Variants in ANKHD1 observed in about 807,000 individuals in gnomAD.
ANKHD1 encodes the protein ankyrin repeat and KH domain-containing protein 1.
ANKHD1 carries 31 observed loss-of-function variants against 230.5 expected under a neutral mutation model. The observed-to-expected ratio is 0.13, with a 90% CI of 0.10 to 0.18. ANKHD1 has a LOEUF of 0.18. ANKHD1 is among the 10% of genes least tolerant of loss of function. The probability of loss-of-function intolerance (pLI) is 1.00; values close to 1 mark genes in which losing one functional copy is unlikely to be tolerated. For synonymous variants in ANKHD1, 1,074 were observed against 1,117.6 expected (o/e 0.96, Z 0.78); for missense variants, 2,256 against 3,071.3 (o/e 0.73, Z 6.27).
At chr5:140,490,025 G>A (rs577219289) in intron 14 of ANKHD1, among the ~76,000 whole-genome samples, 1 of 152,102 alleles carries the variant, frequency 6.6e-6, no homozygotes, top group Non-Finnish European at 1.5e-5. Context: ...CTTAAATAAA[G>A]ACTTAACTTT....
intron 11 of ANKHD1, chr5:140,484,793 T>C (rs1401466835): frequency 6.2e-6 from 1 of 160,012 alleles, no homozygotes; most frequent in Non-Finnish European, 1.4e-5. Flanking sequence ...CGCAAAAGAG[T>C]ACATTGTATG....
At chr5:140,514,562 T>G (rs1752909299) in intron 24 of ANKHD1, among the ~76,000 whole-genome samples, 1 of 152,178 alleles carries the variant, frequency 6.6e-6, no homozygotes, top group Non-Finnish European at 1.5e-5. Context: ...AATATATGAT[T>G]CAAAGGAAAT....
chr5:140,402,054 G>A lies in ANKHD1; in HGVS notation c.87G>A (p.Ser29=). 6.7e-7 allele frequency: 1 copy of A among 1,490,930 alleles called. No homozygotes were observed. 92.4% of individuals were successfully genotyped at this position (1,490,930 alleles called of 1,614,324 possible). Residue 29 remains serine (S), a synonymous_variant, in exon 1 of 34, where the codon TCG becomes TCA. Transcript: ENST00000360839. The stretch of plus-strand genomic sequence containing the variant: ...CGCGATCCGCCCCAGCTGGGGCCTC[G>A]GAGCCGCCTCCGCCGGGAGGGGTCG... ...VAPRSAPAGA[S]EPPPPGGVGL... is the part of the protein sequence containing the mutation.
At chr5:140,508,673 C>T (rs1029903571) in intron 20 of ANKHD1, among the ~76,000 whole-genome samples, 12 of 151,908 alleles carry the variant, frequency 7.9e-5, no homozygotes, top group African/African-American at 2.9e-4. Context: ...GAAGAATCAC[C>T]GGAACTTGGG....
chr5:140,457,276 C>T (rs1561751659), intron 7 of ANKHD1, among the ~76,000 whole-genome samples: 1 of 152,196 alleles, frequency 6.6e-6, no homozygotes. Flanking sequence ...CTAGTTCAAC[C>T]ATTGTGGTAG....
chr5:140,437,095 T>G (rs1401947797), intron 2 of ANKHD1, among the ~76,000 whole-genome samples: 1 of 152,212 alleles, frequency 6.6e-6, no homozygotes. Context: ...TGAACATACA[T>G]GATTGTTATA....
At chr5:140,439,072 C>T (rs1773658689) in intron 3 of ANKHD1, among the ~76,000 whole-genome samples, 1 of 151,988 alleles carries the variant, frequency 6.6e-6, no homozygotes, top group African/African-American at 2.4e-5. Context: ...GAATCCCGGG[C>T]CCTACTCCAT....
intron 1 of ANKHD1, among the ~76,000 whole-genome samples, chr5:140,424,614 T>A (rs111929928): frequency 0.016 from 2,462 of 152,240 alleles, 72 homozygotes; most frequent in African/African-American, 0.056. Context: ...ACAAAGAAAT[T>A]TGGATCCTTT....
intron 10 of ANKHD1, among the ~76,000 whole-genome samples, chr5:140,480,902 ATACT>A (rs1254491219): frequency 2.6e-5 from 4 of 152,128 alleles, no homozygotes; most frequent in Non-Finnish European, 5.9e-5. Flanking sequence ...GTTAAATATA[ATACT>A]TACACAGACT....
At chr5:140,450,285 T>C in intron 7 of ANKHD1, among the ~76,000 whole-genome samples, 1 of 137,224 alleles carries the variant, frequency 7.3e-6, no homozygotes, top group East Asian at 2.2e-4. Context: ...CAGCCACATA[T>C]TACCTCTATC....
rs1184609954 is a variant in ANKHD1, at chr5:140,402,195, T to C, written c.228T>C (p.Asp76=). 2 of 1,525,422 alleles carry C rather than the reference T, an allele frequency of 1.3e-6. No homozygotes were observed. Among genetic ancestry groups the C allele is most frequent in the Admixed American group, 2.1e-5 (1 of 47,842 alleles). 94.5% of individuals were successfully genotyped at this position (1,525,422 alleles called of 1,614,324 possible). ...CGGGCGGAGGGGACGCGGCGCTGGA[T>C]TTCAAGTTGGCGGCTGCCGTGCTGA... The part of the protein sequence containing the change: ...SGTGGGDAAL[D]FKLAAAVLRT... Residue 76 remains aspartate, a synonymous_variant, in exon 1 of 34, where the codon GAT becomes GAC. Coordinates refer to ENST00000360839, the MANE Select transcript of ANKHD1 (RefSeq NM_017747.3).
At chr5:140,417,805 A>C (rs188515007) in intron 1 of ANKHD1, among the ~76,000 whole-genome samples, 82 of 149,894 alleles carry the variant, frequency 5.5e-4, no homozygotes, top group African/African-American at 1.8e-3. Flanking sequence ...AGTTGTAAGA[A>C]TAGTACAAGG....
intron 10 of ANKHD1, among the ~76,000 whole-genome samples, chr5:140,468,037 T>C (rs1420919984): frequency 6.7e-6 from 1 of 148,946 alleles, no homozygotes; most frequent in East Asian, 1.9e-4. Flanking sequence ...AGTTTAAGGT[T>C]TAAGTGTACT....
intron 24 of ANKHD1, among the ~76,000 whole-genome samples, chr5:140,522,762 G>A (rs1399219570): frequency 6.6e-6 from 1 of 152,132 alleles, no homozygotes; most frequent in Non-Finnish European, 1.5e-5. Flanking sequence ...GTTTTCCAAA[G>A]TGGCTGTACC....
At chr5:140,449,118 G>A (rs991463786) in intron 6 of ANKHD1, 93 bp from the exon 7 acceptor site, 27 of 1,266,532 alleles carry the variant, frequency 2.1e-5, no homozygotes, top group South Asian at 4.3e-5. Flanking sequence ...TCAAATTCTT[G>A]TATAGACATC....
At chr5:140,481,019 A>G (rs754238619) in intron 10 of ANKHD1, among the ~76,000 whole-genome samples, 5 of 152,100 alleles carry the variant, frequency 3.3e-5, no homozygotes, top group Non-Finnish European at 5.9e-5. Context: ...CCTTGAGGAA[A>G]TAACACTTGA....
At chr5:140,450,032 T>C (rs1273395946) in intron 7 of ANKHD1, among the ~76,000 whole-genome samples, 1 of 152,180 alleles carries the variant, frequency 6.6e-6, no homozygotes, top group Non-Finnish European at 1.5e-5. Flanking sequence ...AAATCCTTTT[T>C]CTACTTCTGT....
intron 10 of ANKHD1, among the ~76,000 whole-genome samples, chr5:140,470,305 CAT>C (rs1776396271): frequency 6.6e-6 from 1 of 151,064 alleles, no homozygotes; most frequent in Admixed American, 6.6e-5. Context: ...TTTAATAAGT[CAT>C]AGTCTTTAAT....
chr5:140,453,253 T>A (rs1032289151), intron 7 of ANKHD1, among the ~76,000 whole-genome samples: 1 of 152,174 alleles, frequency 6.6e-6, no homozygotes. Context: ...TACCTGAAAG[T>A]GACGGGGAGA....
Sources: allele counts gnomAD v4.1 joint callset (sites outside exome capture counted in the v4.1 genomes callset), GRCh38; gene constraint gnomAD v4.1.1; transcripts MANE v1.5; gene names NCBI Gene and HGNC (gene_info 2026-07-23, HGNC 2026-07-21).